The following GLIS3 variants were observed in gnomAD, a reference collection of about 807,000 sequenced individuals.
The protein encoded by GLIS3 is zinc finger protein GLIS3.
A neutral mutation model predicts 78.6 loss-of-function variants in GLIS3; 53 were observed. The observed-to-expected ratio is 0.67, with a 90% CI of 0.54 to 0.85. The LOEUF (loss-of-function observed/expected upper bound fraction) is 0.85, where lower values mean the gene tolerates loss of function less well. GLIS3 is among the 40% of genes least tolerant of loss of function. GLIS3 has a pLI of 0.00. For missense variants in GLIS3, 1,703 were observed against 1,231.1 expected, an observed-to-expected ratio of 1.38 and a Z score of -5.74; for synonymous variants, 684 against 509.9, an observed-to-expected ratio of 1.34 and a Z score of -4.60.
chr9:4,217,135 T>C (rs1820924707), intron 2 of GLIS3, among the ~76,000 whole-genome samples: 1 of 152,070 alleles, frequency 6.6e-6, no homozygotes, highest in Non-Finnish European at 1.5e-5. Flanking sequence ...TCTGGAAACA[T>C]GAAGTAGAGA....
At chr9:4,418,948 A>G in the GLIS3 span, among the ~76,000 whole-genome samples, 1 of 152,208 alleles carries the variant, frequency 6.6e-6, no homozygotes, top group African/African-American at 2.4e-5. Context: ...GTGAAGTGCA[A>G]TCAACTCAAG....
At chr9:4,236,184 CAAA>C (rs59839951) in intron 2 of GLIS3, among the ~76,000 whole-genome samples, 8 of 84,298 alleles carry the variant, frequency 9.5e-5, no homozygotes, top group African/African-American at 2.2e-4. Flanking sequence ...GTGGTTGTCA[CAAA>C]AAAAAAAAAA....
chr9:4,022,958 GT>G (rs1245036904), intron 4 of GLIS3, among the ~76,000 whole-genome samples: 1 of 152,178 alleles, frequency 6.6e-6, no homozygotes, highest in Non-Finnish European at 1.5e-5. Context: ...AACTTTGGAG[GT>G]GATAAAAATG....
chr9:3,933,738 C>T (rs1462083924), intron 5 of GLIS3, among the ~76,000 whole-genome samples: 5 of 152,046 alleles, frequency 3.3e-5, no homozygotes, highest in African/African-American at 1.2e-4. Flanking sequence ...AATCTGATTC[C>T]TTTTTAATGT....
At chr9:3,942,032 G>C (rs758771722) in intron 4 of GLIS3, among the ~76,000 whole-genome samples, 3 of 152,070 alleles carry the variant, frequency 2.0e-5, no homozygotes, top group Non-Finnish European at 2.9e-5. Flanking sequence ...CATTAAAATA[G>C]GATTTATTCT....
chr9:4,075,037 C>T (rs1276018708), intron 4 of GLIS3, among the ~76,000 whole-genome samples: 2 of 151,948 alleles, frequency 1.3e-5, no homozygotes, highest in African/African-American at 4.8e-5. Flanking sequence ...AAGTAGCTAC[C>T]ATAGGAAGAA....
At chr9:4,317,008 A>G (rs1817446950) in intron 2 of GLIS3, among the ~76,000 whole-genome samples, 1 of 152,202 alleles carries the variant, frequency 6.6e-6, no homozygotes, top group African/African-American at 2.4e-5. Flanking sequence ...GACAATGTTA[A>G]GTGAAGACTT....
At chr9:4,185,371 G>C (rs1037161519) in intron 2 of GLIS3, among the ~76,000 whole-genome samples, 1 of 152,126 alleles carries the variant, frequency 6.6e-6, no homozygotes. Context: ...TGGACATTTG[G>C]ATTGCTTCTA....
chr9:4,462,402 C>A, the GLIS3 span, among the ~76,000 whole-genome samples: 2 of 152,102 alleles, frequency 1.3e-5, no homozygotes, highest in Non-Finnish European at 2.9e-5. Context: ...GACTTGTACA[C>A]TGAGTCACAT....
At chr9:4,138,983 A>C (rs1833609259) in intron 2 of GLIS3, among the ~76,000 whole-genome samples, 1 of 152,230 alleles carries the variant, frequency 6.6e-6, no homozygotes, top group South Asian at 2.1e-4. Flanking sequence ...TTAGAAGCAG[A>C]GCAAAGGCTG....
At chr9:4,488,525 T>TC in the GLIS3 span, among the ~76,000 whole-genome samples, 23 of 50,202 alleles carry the variant, frequency 4.6e-4, no homozygotes, top group East Asian at 8.4e-3. Flanking sequence ...GCTCTCTCTC[T>TC]TTTTTTTTTA....
At chr9:4,015,540 C>T (rs1021998878) in intron 4 of GLIS3, among the ~76,000 whole-genome samples, 1 of 152,172 alleles carries the variant, frequency 6.6e-6, no homozygotes, top group African/African-American at 2.4e-5. Context: ...ATCCTCCCAT[C>T]CCAAATATGA....
intron 4 of GLIS3, among the ~76,000 whole-genome samples, chr9:4,019,108 G>T (rs1476225968): frequency 6.6e-6 from 1 of 152,172 alleles, no homozygotes; most frequent in African/African-American, 2.4e-5. Context: ...ATTTGATGCG[G>T]GATGAAGGAT....
Position 4,296,767 on chromosome 9 carries a change from G to A in GLIS3, c.-99+2654C>T, listed in dbSNP as rs554063129. Among the ~76,000 whole-genome samples, 670 of 149,834 alleles carry A rather than the reference G, an allele frequency of 4.5e-3. 5 individuals are homozygous for A. Among genetic ancestry groups the A allele is most frequent in the African/African-American group, 0.016 (643 of 40,846 alleles). ...TAAGGACAGGTGTTTTGAAAATAGC[G>A]AAAAAAAAATGTCCCCTACACTTCC... On this transcript the variant is annotated intron_variant, in intron 1 of 10. Coordinates refer to ENST00000381971, the MANE Select transcript of GLIS3 (RefSeq NM_001042413.2).
chr9:4,270,882 CTGTGTGGTGTGTGTGTGTGTGTGTGTG>C (rs1216412394), intron 2 of GLIS3, among the ~76,000 whole-genome samples: 1 of 147,998 alleles, frequency 6.8e-6, no homozygotes, highest in Non-Finnish European at 1.5e-5. Context: ...CTCTCTCAAT[CTGTGTGGTGTGTGTGTGTGTGTGTGTG>C]TGTGTGTGTG....
At chr9:4,395,344 G>A in the GLIS3 span, among the ~76,000 whole-genome samples, 2 of 152,154 alleles carry the variant, frequency 1.3e-5, no homozygotes, top group African/African-American at 2.4e-5. Context: ...TTGAGGCGCT[G>A]ACATGATTTT....
chr9:4,485,645 C>G, the GLIS3 span, among the ~76,000 whole-genome samples: 1 of 152,040 alleles, frequency 6.6e-6, no homozygotes, highest in Non-Finnish European at 1.5e-5. Flanking sequence ...TGAATCAGCT[C>G]TACCTGTGCG....
At chr9:3,984,907 A>G (rs1007618234) in intron 4 of GLIS3, among the ~76,000 whole-genome samples, 2 of 152,110 alleles carry the variant, frequency 1.3e-5, no homozygotes, top group African/African-American at 4.8e-5. Flanking sequence ...TTCTCTGTAC[A>G]AGATTTCTTT....
At chr9:3,899,384 A>G (rs928153170) in intron 6 of GLIS3, among the ~76,000 whole-genome samples, 3 of 152,098 alleles carry the variant, frequency 2.0e-5, no homozygotes, top group African/African-American at 4.8e-5. Flanking sequence ...CAGTTACATA[A>G]AAACAGAACA....
Sources: allele counts gnomAD v4.1 joint callset (sites outside exome capture counted in the v4.1 genomes callset), GRCh38; gene constraint gnomAD v4.1.1; transcripts MANE v1.5; gene names NCBI Gene and HGNC (gene_info 2026-07-23, HGNC 2026-07-21).